The following PDE10A variants were observed in gnomAD, a reference collection of about 807,000 sequenced individuals.
The protein encoded by PDE10A is phosphodiesterase 10A, also known as cAMP and cAMP-inhibited cGMP 3',5'-cyclic phosphodiesterase 10A.
PDE10A carries 39 observed loss-of-function variants against 97.7 expected under a neutral mutation model. That is an observed-to-expected ratio of 0.40 (90% confidence interval 0.31 to 0.52). The LOEUF (loss-of-function observed/expected upper bound fraction) is 0.52. PDE10A is among the 20% of genes least tolerant of loss of function. The pLI, the probability that PDE10A is intolerant of heterozygous loss-of-function variation, is 0.56. For missense variants in PDE10A, 731 were observed against 1,047.8 expected, an observed-to-expected ratio of 0.70 and a Z score of 4.17; for synonymous variants, 371 against 376.8, an observed-to-expected ratio of 0.98 and a Z score of 0.18.
At chr6:165,686,194 A>G (rs1791111790) in intron 1 of PDE10A, among the ~76,000 whole-genome samples, 1 of 151,144 alleles carries the variant, frequency 6.6e-6, no homozygotes, top group African/African-American at 2.4e-5. Flanking sequence ...TTAGCATGCA[A>G]TGAGGTGCAT....
intron 1 of PDE10A, among the ~76,000 whole-genome samples, chr6:165,882,608 G>A (rs34365223): frequency 0.036 from 5,506 of 152,152 alleles, 117 homozygotes; most frequent in Middle Eastern, 0.054. Flanking sequence ...GAAAACTGAC[G>A]GCAACCTTCA....
chr6:165,897,105 A>C (rs1781973050), intron 1 of PDE10A, among the ~76,000 whole-genome samples: 1 of 152,184 alleles, frequency 6.6e-6, no homozygotes, highest in South Asian at 2.1e-4. Flanking sequence ...TGGTTGTAGA[A>C]CTGAAAAAAA....
At chr6:165,465,770 TTCAA>T (rs1778607286) in intron 3 of PDE10A, among the ~76,000 whole-genome samples, 2 of 152,330 alleles carry the variant, frequency 1.3e-5, no homozygotes, top group Admixed American at 1.3e-4. Flanking sequence ...GCCCCCATGA[TTCAA>T]TTATCTCCAT....
chr6:165,442,249 C>T (rs1291119260), intron 5 of PDE10A, among the ~76,000 whole-genome samples: 2 of 152,056 alleles, frequency 1.3e-5, no homozygotes, highest in Admixed American at 6.5e-5. Flanking sequence ...CCCATCAACT[C>T]GTCATTTAGC....
Position 165,462,288 on chromosome 6 carries a change from T to C in PDE10A, c.1024-11926A>G, listed in dbSNP as rs574552380. On this transcript the variant is annotated intron_variant, in intron 3 of 21. Coordinates refer to ENST00000539869, the MANE Select transcript of PDE10A (RefSeq NM_001385079.1). ...AGAATATGGAACCCCACAGATGCAA[T>C]TGAATCTAGCATTATTAACTTTAAA... Among the ~76,000 whole-genome samples, 28 of 152,318 alleles carry C rather than the reference T, an allele frequency of 1.8e-4. 1 individual carries two copies. Among genetic ancestry groups the C allele is most frequent in the African/African-American group, 2.4e-4 (10 of 41,566 alleles).
chr6:165,724,133 A>G (rs1257583399), intron 1 of PDE10A, among the ~76,000 whole-genome samples: 1 of 152,220 alleles, frequency 6.6e-6, no homozygotes, highest in African/African-American at 2.4e-5. Flanking sequence ...CAGGGCACAC[A>G]CTGGGCATGG....
chr6:165,609,316 T>C (rs1349987045), intron 1 of PDE10A, among the ~76,000 whole-genome samples: 1 of 152,190 alleles, frequency 6.6e-6, no homozygotes, highest in Admixed American at 6.5e-5. Context: ...CAGCCCTTCA[T>C]GCTAAAAATT....
chr6:165,917,176 G>A (rs201555945), intron 1 of PDE10A, among the ~76,000 whole-genome samples: 2 of 152,278 alleles, frequency 1.3e-5, no homozygotes, highest in East Asian at 1.9e-4. Context: ...GACCCAGGGA[G>A]CAAGAGGGAG....
intron 1 of PDE10A, among the ~76,000 whole-genome samples, chr6:165,621,566 G>GC (rs1562637265): frequency 2.0e-5 from 3 of 152,038 alleles, no homozygotes; most frequent in Non-Finnish European, 4.4e-5. Context: ...GATGAGCCTG[G>GC]CCAATATGGT....
intron 1 of PDE10A, among the ~76,000 whole-genome samples, chr6:165,649,198 A>T (rs1562657710): frequency 6.6e-6 from 1 of 152,198 alleles, no homozygotes; most frequent in Non-Finnish European, 1.5e-5. Flanking sequence ...AGGTCAGGAA[A>T]GGGTTCTCAT....
intron 1 of PDE10A, among the ~76,000 whole-genome samples, chr6:165,943,346 G>GAAAA (rs369730730): frequency 3.8e-5 from 3 of 79,488 alleles, no homozygotes; most frequent in African/African-American, 5.5e-5. Context: ...AGAAAGAAAA[G>GAAAA]AGAAAGAAAG....
chr6:165,576,080 A>G (rs922181860), intron 1 of PDE10A, among the ~76,000 whole-genome samples: 2 of 65,812 alleles, frequency 3.0e-5, no homozygotes, highest in African/African-American at 1.0e-4. Context: ...ATTTGCCTAA[A>G]GCAAATATGT....
At chr6:165,894,011 G>T (rs1781872836) in intron 1 of PDE10A, among the ~76,000 whole-genome samples, 1 of 152,086 alleles carries the variant, frequency 6.6e-6, no homozygotes, top group African/African-American at 2.4e-5. Flanking sequence ...TGTGTTCATG[G>T]CCCTGGGCAC....
intron 13 of PDE10A, among the ~76,000 whole-genome samples, chr6:165,398,886 G>T (rs944062191): frequency 6.6e-6 from 1 of 152,124 alleles, no homozygotes; most frequent in African/African-American, 2.4e-5. Context: ...GTCAAAGACT[G>T]TCAGATTGAA....
chr6:165,891,022 A>G (rs1218583372), intron 1 of PDE10A, among the ~76,000 whole-genome samples: 2 of 152,128 alleles, frequency 1.3e-5, no homozygotes, highest in Non-Finnish European at 2.9e-5. Flanking sequence ...GCCTTTTTGA[A>G]ACTGAAAGAT....
At chr6:165,615,987 T>A (rs1359198284) in intron 1 of PDE10A, among the ~76,000 whole-genome samples, 1 of 152,208 alleles carries the variant, frequency 6.6e-6, no homozygotes, top group East Asian at 1.9e-4. Flanking sequence ...ACACCCTGAT[T>A]TTTTACCCAC....
intron 1 of PDE10A, among the ~76,000 whole-genome samples, chr6:165,586,619 T>A (rs1785927993): frequency 6.6e-6 from 1 of 152,304 alleles, no homozygotes; most frequent in South Asian, 2.1e-4. Flanking sequence ...TTTACACCCC[T>A]GAAGTTATAT....
chr6:165,646,662 C>A (rs908406520), intron 1 of PDE10A, among the ~76,000 whole-genome samples: 3 of 152,184 alleles, frequency 2.0e-5, no homozygotes, highest in African/African-American at 7.2e-5. Flanking sequence ...CGAGGAAAGA[C>A]AGGCGAGCAG....
chr6:165,504,407 G>A (rs1353060453), intron 2 of PDE10A, among the ~76,000 whole-genome samples: 1 of 152,110 alleles, frequency 6.6e-6, no homozygotes, highest in African/African-American at 2.4e-5. Flanking sequence ...CATTAACTTA[G>A]ATAAATGATT....
Sources: gnomAD v4.1 joint callset for allele counts (sites outside exome capture counted in the v4.1 genomes callset) on GRCh38, gnomAD v4.1.1 for gene constraint, MANE v1.5 for transcripts, NCBI Gene and HGNC (gene_info 2026-07-23, HGNC 2026-07-21) for gene names.